Variants in TMX4 observed in about 807,000 individuals in gnomAD.
The protein encoded by TMX4 is thioredoxin-related transmembrane protein 4.
A neutral mutation model predicts 33.3 loss-of-function variants in TMX4; 23 were observed. The observed-to-expected ratio is 0.69, with a 90% CI of 0.50 to 0.98. The LOEUF is 0.98. Among genes scored for constraint, TMX4 ranks in the 50% least tolerant of loss-of-function variants. The pLI, the probability that TMX4 is intolerant of heterozygous loss-of-function variation, is 0.00. For synonymous variants in TMX4, 164 were observed against 161.5 expected, an observed-to-expected ratio of 1.02 and a Z score of -0.12; for missense variants, 399 against 448.9, an observed-to-expected ratio of 0.89 and a Z score of 1.01.
At chr20:8,012,684 A>C (rs1421411881) in intron 1 of TMX4, among the ~76,000 whole-genome samples, 2 of 145,212 alleles carry the variant, frequency 1.4e-5, no homozygotes, top group East Asian at 6.5e-4. Context: ...CATTTGCTGC[A>C]TCAGTAATTA....
intron 2 of TMX4, among the ~76,000 whole-genome samples, chr20:8,003,900 T>C (rs528523992): frequency 1.3e-5 from 2 of 152,296 alleles, no homozygotes; most frequent in South Asian, 4.1e-4. Context: ...TTCATTTATG[T>C]TTGTCAATAT....
chr20:8,006,403 G>T (rs1189731922), intron 2 of TMX4, among the ~76,000 whole-genome samples: 1 of 152,122 alleles, frequency 6.6e-6, no homozygotes, highest in South Asian at 2.1e-4. Context: ...TACAGGGAAA[G>T]AATTGAAATT....
intron 2 of TMX4, among the ~76,000 whole-genome samples, chr20:8,004,555 A>G (rs11908454): frequency 0.023 from 3,510 of 152,314 alleles, 158 homozygotes; most frequent in African/African-American, 0.081. Flanking sequence ...GACACAACAT[A>G]AAGTAGGCAC....
Position 7,983,859 on chromosome 20 carries a change from T to C in TMX4, c.616-2A>G, listed in dbSNP as rs765566742. ...ACATTCTGATATTACCACCAAGACC[T>C]GGAAGGAAAAAAGTGATTTTACAGT... On this transcript the variant is annotated splice_acceptor_variant, in intron 6 of 7. Coordinates refer to ENST00000246024, the MANE Select transcript of TMX4 (RefSeq NM_021156.4). LOFTEE classifies it high-confidence loss of function. 5 of 1,610,412 alleles carry C rather than the reference T, an allele frequency of 3.1e-6. No homozygotes were observed. Among genetic ancestry groups the C allele is most frequent in the Non-Finnish European group, 8.5e-7 (1 of 1,178,512 alleles).
intron 1 of TMX4, among the ~76,000 whole-genome samples, chr20:8,017,958 T>G (rs1284504870): frequency 6.6e-6 from 1 of 152,102 alleles, no homozygotes; most frequent in Non-Finnish European, 1.5e-5. Context: ...GTCTAAAATA[T>G]CCCCTTCTTT....
At chr20:7,990,007 C>T (rs929456570) in intron 5 of TMX4, among the ~76,000 whole-genome samples, 3 of 152,074 alleles carry the variant, frequency 2.0e-5, no homozygotes, top group Admixed American at 1.3e-4. Context: ...AAGAAAGTAT[C>T]TTACTCGGGC....
chr20:8,016,666 C>G (rs2050776741), intron 1 of TMX4, among the ~76,000 whole-genome samples: 1 of 151,938 alleles, frequency 6.6e-6, no homozygotes, highest in Non-Finnish European at 1.5e-5. Flanking sequence ...ACCAATATAA[C>G]CAGAAACTGC....
chr20:8,016,212 G>A (rs2050774582), intron 1 of TMX4, among the ~76,000 whole-genome samples: 1 of 152,110 alleles, frequency 6.6e-6, no homozygotes, highest in African/African-American at 2.4e-5. Context: ...CAGAAAAAGG[G>A]CAAACGAGTA....
rs761333415 is a variant in TMX4, at chr20:7,982,282, C to T, written c.1019G>A (p.Arg340His). Residue 340 changes from arginine to histidine, a missense_variant, in exon 8 of 8, where the codon CGT becomes CAT. Transcript: ENST00000246024. ...TCCCTTGTCAGCATGCTGACTTTTA[C>T]GCTGCCTCAAGGAGTCTTCCACCAC... ...TEVVEDSLRQ[R>H]KSQHADKGL 1.4e-5 allele frequency: 23 copies of T among 1,613,806 alleles called. No homozygotes were observed. Among genetic ancestry groups the T allele is most frequent in the East Asian group, 2.2e-5 (1 of 44,876 alleles).
At chr20:7,983,878 T>A (rs1019862668) in intron 6 of TMX4, 21 bp from the exon 7 acceptor site, 2 of 1,597,374 alleles carry the variant, frequency 1.3e-6, no homozygotes, top group African/African-American at 2.7e-5. Flanking sequence ...AAAAGTGATT[T>A]TACAGTGAAT....
chr20:8,019,136 A>C, intron 1 of TMX4: 1 of 485,504 alleles, frequency 2.1e-6, no homozygotes, highest in Non-Finnish European at 3.8e-6. Context: ...CCCCCAAAGC[A>C]AGGGGACGCG....
At chr20:8,019,000 T>C (rs1375660395) in intron 1 of TMX4, 2 of 450,144 alleles carry the variant, frequency 4.4e-6, no homozygotes, top group Non-Finnish European at 8.9e-6. Flanking sequence ...TGCACGTGGA[T>C]GTCACTGAAT....
chr20:7,998,604 C>T (rs1038172974), intron 4 of TMX4, among the ~76,000 whole-genome samples: 1 of 152,170 alleles, frequency 6.6e-6, no homozygotes, highest in Non-Finnish European at 1.5e-5. Flanking sequence ...CTTCAGCCTG[C>T]CCCTCTTACT....
At chr20:8,016,428 G>C (rs2050775865) in intron 1 of TMX4, among the ~76,000 whole-genome samples, 1 of 152,166 alleles carries the variant, frequency 6.6e-6, no homozygotes, top group Non-Finnish European at 1.5e-5. Context: ...ATGTAGCAAT[G>C]GGAGAACTTT....
intron 2 of TMX4, among the ~76,000 whole-genome samples, chr20:8,005,808 G>A (rs2050726807): frequency 6.6e-6 from 1 of 152,146 alleles, no homozygotes; most frequent in Non-Finnish European, 1.5e-5. Context: ...GTAGTTGGAG[G>A]ACAGCCCAGC....
In TMX4 at chr20:7,987,794, G is replaced by A. The variant is rs182047377; in HGVS notation, c.514-405C>T. 4.4e-3 allele frequency among the ~76,000 whole-genome samples: 668 copies of A among 152,216 alleles called. 3 individuals carry two copies. The highest frequency in any genetic ancestry group is 7.8e-3 in the Non-Finnish European group (529 of 67,986). ...AAAACTAAATTACGACTTACAGAAC[G>A]TCAATCATTTAAAATGTCTCCATAC... is the stretch of plus-strand genomic sequence containing the variant. On this transcript the variant is annotated intron_variant, in intron 5 of 7. Transcript: ENST00000246024.
intron 1 of TMX4, among the ~76,000 whole-genome samples, chr20:8,018,122 A>C (rs1407091621): frequency 1.3e-5 from 2 of 151,476 alleles, no homozygotes; most frequent in Non-Finnish European, 2.9e-5. Flanking sequence ...AAAGAATCAA[A>C]ACTTGGTCTT....
chr20:8,018,479 G>GGGGAGA (rs2050791742), intron 1 of TMX4, among the ~76,000 whole-genome samples: 1 of 33,656 alleles, frequency 3.0e-5, no homozygotes, highest in Non-Finnish European at 5.0e-5. Flanking sequence ...AGGGAGGGAG[G>GGGGAGA]GGGAGAGAGA....
chr20:7,989,530 C>A (rs2050645396), intron 5 of TMX4, among the ~76,000 whole-genome samples: 1 of 152,166 alleles, frequency 6.6e-6, no homozygotes, highest in Admixed American at 6.5e-5. Flanking sequence ...TAATAAGCTG[C>A]ACTTCAATTT....
Sources: allele counts gnomAD v4.1 joint callset (sites outside exome capture counted in the v4.1 genomes callset), GRCh38; gene constraint gnomAD v4.1.1; transcripts MANE v1.5; gene names NCBI Gene and HGNC (gene_info 2026-07-23, HGNC 2026-07-21).